The following DPF3 variants were observed in gnomAD, a reference collection of about 807,000 sequenced individuals.
DPF3 encodes the protein zinc finger protein DPF3.
A neutral mutation model predicts 56.8 loss-of-function variants in DPF3; 18 were observed. The ratio of observed to expected loss-of-function variants is 0.32; its 90% CI spans 0.22 to 0.47. The LOEUF is 0.47. Ranked by LOEUF, DPF3 falls within the 20% of genes least tolerant of loss-of-function variation. The pLI, the probability that DPF3 is intolerant of heterozygous loss-of-function variation, is 1.00. For missense variants in DPF3, 403 were observed against 488.8 expected, an observed-to-expected ratio of 0.82 and a Z score of 1.65; for synonymous variants, 188 against 180.2, an observed-to-expected ratio of 1.04 and a Z score of -0.35.
intron 1 of DPF3, among the ~76,000 whole-genome samples, chr14:72,862,772 C>A (rs551049687): frequency 6.6e-6 from 1 of 152,134 alleles, no homozygotes; most frequent in Non-Finnish European, 1.5e-5. Context: ...CCCCAACACT[C>A]CTGGTCCCAA....
At chr14:72,842,387 TA>T (rs1489789047) in intron 1 of DPF3, among the ~76,000 whole-genome samples, 1 of 152,166 alleles carries the variant, frequency 6.6e-6, no homozygotes, top group Admixed American at 6.5e-5. Flanking sequence ...AACAGAGCAC[TA>T]TATAGCGATG....
intron 2 of DPF3, 45 bp downstream of exon 2, chr14:72,771,688 C>T: frequency 1.3e-6 from 2 of 1,576,908 alleles, no homozygotes; most frequent in Non-Finnish European, 1.7e-6. Context: ...TCCCTCCAGG[C>T]TGGGAGCCTG....
At chr14:72,641,841 A>G (rs1421829863) in intron 8 of DPF3, among the ~76,000 whole-genome samples, 1 of 152,198 alleles carries the variant, frequency 6.6e-6, no homozygotes, top group Non-Finnish European at 1.5e-5. Context: ...GAGTGACAAT[A>G]TGCAGTTTTG....
At chr14:72,865,937 C>T (rs190658086) in intron 1 of DPF3, among the ~76,000 whole-genome samples, 1 of 152,102 alleles carries the variant, frequency 6.6e-6, no homozygotes, top group Non-Finnish European at 1.5e-5. Flanking sequence ...ATCCCAGCTA[C>T]TTGGGAGGCT....
chr14:72,638,247 C>A (rs1466655303), intron 8 of DPF3, among the ~76,000 whole-genome samples: 1 of 142,492 alleles, frequency 7.0e-6, no homozygotes, highest in Admixed American at 7.0e-5. Context: ...GTGATTCTTG[C>A]CCCACAACAG....
intron 1 of DPF3, among the ~76,000 whole-genome samples, chr14:72,806,352 T>C (rs545396840): frequency 6.6e-6 from 1 of 152,242 alleles, no homozygotes; most frequent in South Asian, 2.1e-4. Flanking sequence ...GAGCCTTGAT[T>C]CTACTCATTC....
chr14:72,709,066 C>A (rs1888541873), intron 6 of DPF3, among the ~76,000 whole-genome samples: 1 of 152,214 alleles, frequency 6.6e-6, no homozygotes, highest in Non-Finnish European at 1.5e-5. Context: ...ACACCACTGC[C>A]AAGAAACAAG....
chr14:72,765,928 G>A (rs529282976), intron 2 of DPF3, among the ~76,000 whole-genome samples: 1 of 152,256 alleles, frequency 6.6e-6, no homozygotes, highest in African/African-American at 2.4e-5. Context: ...AAAAACAAAA[G>A]GGAGTATACA....
chr14:72,850,809 G>C (rs1325313401), intron 1 of DPF3, among the ~76,000 whole-genome samples: 1 of 151,566 alleles, frequency 6.6e-6, no homozygotes, highest in Non-Finnish European at 1.5e-5. Flanking sequence ...ATGTGTGCAT[G>C]TGTGTGTGTG....
chr14:72,860,872 T>C (rs991933930), intron 1 of DPF3, among the ~76,000 whole-genome samples: 4 of 152,220 alleles, frequency 2.6e-5, no homozygotes, highest in Admixed American at 2.6e-4. Context: ...GGCAGCTTAA[T>C]TCTTTTAATT....
At chr14:72,873,143 G>A (rs1394317015) in intron 1 of DPF3, among the ~76,000 whole-genome samples, 2 of 151,948 alleles carry the variant, frequency 1.3e-5, no homozygotes, top group African/African-American at 4.8e-5. Flanking sequence ...GCAACCTACA[G>A]AATGGGAGAA....
intron 8 of DPF3, among the ~76,000 whole-genome samples, chr14:72,634,265 ATCC>A (rs1399771351): frequency 6.6e-6 from 1 of 152,124 alleles, no homozygotes; most frequent in African/African-American, 2.4e-5. Flanking sequence ...CCAGAACTAA[ATCC>A]TCCTGTCTGG....
intron 7 of DPF3, among the ~76,000 whole-genome samples, chr14:72,690,508 C>T (rs1887627370): frequency 1.3e-5 from 2 of 148,334 alleles, no homozygotes; most frequent in Admixed American, 1.3e-4. Context: ...ACACAATACA[C>T]ATGCACACAA....
In DPF3 at chr14:72,613,015, T is replaced by TGTGC. The variant is rs1883846725; in HGVS notation, c.*6281_*6282insGCAC. On this transcript the variant is annotated 3_prime_UTR_variant, in exon 11 of 11. Transcript: ENST00000556509. ...GGGCGTGTGTGTGTGTGTGTGTGTG[T>TGTGC]GTGTGTGTGTGTGTGTATGTGCGTG... Among the ~76,000 whole-genome samples, 1 of 151,694 alleles carries TGTGC rather than the reference T, an allele frequency of 6.6e-6. No homozygotes were observed. The highest frequency in any genetic ancestry group is 2.4e-5 in the African/African-American group (1 of 41,222).
chr14:72,640,124 G>A (rs1374044046), intron 8 of DPF3, among the ~76,000 whole-genome samples: 2 of 145,736 alleles, frequency 1.4e-5, no homozygotes, highest in South Asian at 2.2e-4. Context: ...GAAATATAAG[G>A]TGCATGGTCC....
chr14:72,716,577 T>C (rs904383219), intron 5 of DPF3, among the ~76,000 whole-genome samples: 3 of 152,098 alleles, frequency 2.0e-5, no homozygotes, highest in Non-Finnish European at 4.4e-5. Context: ...AGATTATACC[T>C]GTGTTGGTTT....
rs56932231 is a variant in DPF3 at position 72,646,527 on chromosome 14, C to G, written c.872-16791G>C. On this transcript the variant is annotated intron_variant, in intron 8 of 10. Transcript: ENST00000556509. ...AACCAGTAAAACAAGTCTGACTTTG[C>G]TGGTGGATGAGACCCCATGGAGGCT... Among the ~76,000 whole-genome samples, 332 of 152,350 alleles carry G rather than the reference C, an allele frequency of 2.2e-3. 3 individuals carry two copies. Among genetic ancestry groups the G allele is most frequent in the African/African-American group, 7.7e-3 (320 of 41,582 alleles).
At chr14:72,848,367 G>A (rs945512532) in intron 1 of DPF3, among the ~76,000 whole-genome samples, 24 of 152,086 alleles carry the variant, frequency 1.6e-4, no homozygotes, top group Non-Finnish European at 2.9e-4. Context: ...GTTTCACTAT[G>A]TTGCCCAGGC....
chr14:72,713,462 C>T (rs1238324418), intron 6 of DPF3, among the ~76,000 whole-genome samples: 1 of 152,200 alleles, frequency 6.6e-6, no homozygotes, highest in Non-Finnish European at 1.5e-5. Flanking sequence ...AGACTGCAGA[C>T]CCTGGCGAGA....
Sources: gnomAD v4.1 joint callset for allele counts (sites outside exome capture counted in the v4.1 genomes callset) on GRCh38, gnomAD v4.1.1 for gene constraint, MANE v1.5 for transcripts, NCBI Gene and HGNC (gene_info 2026-07-23, HGNC 2026-07-21) for gene names.